Variants in SLC4A10 observed in about 807,000 individuals in gnomAD.
SLC4A10 encodes sodium-driven chloride bicarbonate exchanger.
A neutral mutation model predicts 137.7 loss-of-function variants in SLC4A10; 42 were observed. That is an observed-to-expected ratio of 0.30 (90% CI 0.24 to 0.39). The LOEUF (loss-of-function observed/expected upper bound fraction) is 0.39. Ranked by LOEUF, SLC4A10 falls within the 10% of genes least tolerant of loss-of-function variation. SLC4A10 has a pLI of 1.00. For synonymous variants in SLC4A10, 474 were observed against 464.1 expected, an observed-to-expected ratio of 1.02 and a Z score of -0.27; for missense variants, 925 against 1,355.0, an observed-to-expected ratio of 0.68 and a Z score of 4.98.
chr2:161,879,040 T>C (rs1575416965), intron 8 of SLC4A10, 91 bp from the exon 9 acceptor site: 1 of 1,095,422 alleles, frequency 9.1e-7, no homozygotes, highest in East Asian at 2.5e-5. Flanking sequence ...TATTTATTCA[T>C]GGATTACTAT....
intron 1 of SLC4A10, among the ~76,000 whole-genome samples, chr2:161,658,628 C>A (rs1474631882): frequency 1.5e-5 from 2 of 131,974 alleles, no homozygotes; most frequent in Admixed American, 1.7e-4. Context: ...GAGTCTTGCT[C>A]TGTTGCCCAG....
intron 3 of SLC4A10, among the ~76,000 whole-genome samples, chr2:161,815,287 C>T (rs1033983171): frequency 6.6e-6 from 1 of 151,946 alleles, no homozygotes; most frequent in African/African-American, 2.4e-5. Flanking sequence ...ATTTTGGGGG[C>T]GGTTTCCCTC....
intron 1 of SLC4A10, among the ~76,000 whole-genome samples, chr2:161,766,695 T>C (rs779806514): frequency 1.6e-4 from 24 of 152,066 alleles, no homozygotes; most frequent in Non-Finnish European, 2.6e-4. Context: ...TCAACTTGTA[T>C]TTCTCTGGTT....
Position 161,984,686 on chromosome 2 carries a change from T to A in SLC4A10, c.*1534T>A, listed in dbSNP as rs1253614521. Reference sequence around the variant, plus strand: ...CTCACAATTCTTTAAGGAGCCCCCCTTTTTATGGAACATGAGCCTAAAAAT... The same window carrying A: ...CTCACAATTCTTTAAGGAGCCCCCCATTTTATGGAACATGAGCCTAAAAAT... On this transcript the variant is annotated 3_prime_UTR_variant, in exon 27 of 27. Coordinates refer to ENST00000446997, the MANE Select transcript of SLC4A10 (RefSeq NM_001178015.2). 2.6e-5 allele frequency: 4 copies of A among 152,066 alleles called. No individual in the cohort carries two copies. Among genetic ancestry groups the A allele is most frequent in the South Asian group, 2.1e-4 (1 of 4,826 alleles). The allele number at this position is 152,066 out of a possible 1,614,324, so 9.4% of individuals were successfully genotyped here. A position where few individuals can be genotyped will look rare whatever the true frequency, so the allele number is the denominator to read the frequency against.
At chr2:161,672,179 G>C (rs1016424434) in intron 1 of SLC4A10, among the ~76,000 whole-genome samples, 1 of 152,080 alleles carries the variant, frequency 6.6e-6, no homozygotes, top group Admixed American at 6.6e-5. Context: ...AAAATGACAT[G>C]GTCTAAACTG....
chr2:161,730,683 T>C (rs1426770377), intron 1 of SLC4A10, among the ~76,000 whole-genome samples: 1 of 152,204 alleles, frequency 6.6e-6, no homozygotes, highest in East Asian at 1.9e-4. Context: ...TTGGACTAGA[T>C]GACCTCTAAG....
chr2:161,688,336 A>G (rs2041648434), intron 1 of SLC4A10, among the ~76,000 whole-genome samples: 1 of 152,202 alleles, frequency 6.6e-6, no homozygotes, highest in Non-Finnish European at 1.5e-5. Context: ...TTGTAATTTT[A>G]TAACCTAGAA....
chr2:161,913,716 T>A (rs941141980), intron 15 of SLC4A10, among the ~76,000 whole-genome samples: 1 of 152,172 alleles, frequency 6.6e-6, no homozygotes, highest in African/African-American at 2.4e-5. Context: ...AACCCTTTTT[T>A]GTCTTCAATG....
At chr2:161,948,862 T>C (rs956268486) in intron 17 of SLC4A10, among the ~76,000 whole-genome samples, 1 of 152,100 alleles carries the variant, frequency 6.6e-6, no homozygotes, top group African/African-American at 2.4e-5. Flanking sequence ...GGGTTCATCA[T>C]AAAGTTAGAT....
rs147835730 is a variant in SLC4A10, at chr2:161,639,742, A to G, written c.48+15176A>G. 2.8e-3 allele frequency among the ~76,000 whole-genome samples: 422 copies of G among 152,258 alleles called. 4 individuals are homozygous for G. Among genetic ancestry groups the G allele is most frequent in the Non-Finnish European group, 4.7e-3 (318 of 67,996 alleles). On this transcript the variant is annotated intron_variant, in intron 1 of 26. Transcript: ENST00000446997. ...TAAGGATGCCCACTTTGCCACTTTT[A>G]TTCAACATAATTCTGGAAGTCCTAG... is the stretch of plus-strand genomic sequence containing the variant.
chr2:161,669,610 T>C (rs1382896331), intron 1 of SLC4A10, among the ~76,000 whole-genome samples: 2 of 152,040 alleles, frequency 1.3e-5, no homozygotes, highest in African/African-American at 4.8e-5. Flanking sequence ...GACAACATTT[T>C]GTAATATTAA....
At chr2:161,893,916 A>G (rs748619080) in intron 10 of SLC4A10, among the ~76,000 whole-genome samples, 5 of 151,980 alleles carry the variant, frequency 3.3e-5, no homozygotes, top group Admixed American at 6.6e-5. Flanking sequence ...AGTGGAAACT[A>G]TGTTTTTGAC....
intron 25 of SLC4A10, 89 bp from the exon 26 acceptor site, chr2:161,977,633 G>A: frequency 3.7e-6 from 4 of 1,081,224 alleles, no homozygotes; most frequent in Non-Finnish European, 5.4e-6. Context: ...AATTGGGACA[G>A]TGTTTACTAT....
chr2:161,807,159 GC>G (rs1444289921), intron 3 of SLC4A10, among the ~76,000 whole-genome samples: 1 of 152,026 alleles, frequency 6.6e-6, no homozygotes, highest in African/African-American at 2.4e-5. Context: ...GGAAAGACCT[GC>G]CCCCCATGAT....
In SLC4A10 at chr2:161,933,856, G is replaced by A. The variant is rs572089495; in HGVS notation, c.1998-8936G>A. 1.9e-3 allele frequency among the ~76,000 whole-genome samples: 286 copies of A among 152,284 alleles called. 1 individual carries two copies. Among genetic ancestry groups the A allele is most frequent in the African/African-American group, 6.5e-3 (271 of 41,560 alleles). On this transcript the variant is annotated intron_variant, in intron 15 of 26. Coordinates refer to ENST00000446997, the MANE Select transcript of SLC4A10 (RefSeq NM_001178015.2). ...TGGGTACATATCCAGTAGTGGAATT[G>A]ATGGATCATATGGTAGGTCTATTAA...
intron 1 of SLC4A10, among the ~76,000 whole-genome samples, chr2:161,736,104 A>G (rs192835602): frequency 6.6e-6 from 1 of 152,120 alleles, no homozygotes; most frequent in African/African-American, 2.4e-5. Context: ...GTTTTTATAA[A>G]GAATTTTTAT....
chr2:161,938,999 TA>T (rs1448016735), intron 15 of SLC4A10, among the ~76,000 whole-genome samples: 7 of 152,290 alleles, frequency 4.6e-5, no homozygotes, highest in Admixed American at 1.3e-4. Context: ...AATATGCTTA[TA>T]TTTTTTTCTT....
At chr2:161,935,214 C>T (rs536778609) in intron 15 of SLC4A10, among the ~76,000 whole-genome samples, 85 of 152,168 alleles carry the variant, frequency 5.6e-4, no homozygotes, top group African/African-American at 1.2e-3. Context: ...GGATTTATTT[C>T]GGGTTGTCTA....
intron 3 of SLC4A10, among the ~76,000 whole-genome samples, chr2:161,823,193 CACAA>C (rs2057762867): frequency 6.6e-6 from 1 of 152,132 alleles, no homozygotes; most frequent in African/African-American, 2.4e-5. Context: ...GCCTTATGTA[CACAA>C]ACACTTATAG....
Sources: gnomAD v4.1 joint callset for allele counts (sites outside exome capture counted in the v4.1 genomes callset) on GRCh38, gnomAD v4.1.1 for gene constraint, MANE v1.5 for transcripts, NCBI Gene and HGNC (gene_info 2026-07-23, HGNC 2026-07-21) for gene names.